HUWE1: variants seen among roughly 807,000 people sequenced by gnomAD.
HUWE1 encodes the protein E3 ubiquitin-protein ligase HUWE1.
A neutral mutation model predicts 299.4 loss-of-function variants in HUWE1; 18 were observed. That is an observed-to-expected ratio of 0.06 (90% CI 0.04 to 0.09). HUWE1 has a LOEUF of 0.09. Ranked by LOEUF, HUWE1 falls within the 10% of genes least tolerant of loss-of-function variation. The pLI, the probability that HUWE1 is intolerant of heterozygous loss-of-function variation, is 1.00. For missense variants in HUWE1, 1,832 were observed against 3,462.3 expected, an observed-to-expected ratio of 0.53 and a Z score of 11.82; for synonymous variants, 1,317 against 1,286.1, an observed-to-expected ratio of 1.02 and a Z score of -0.51.
In HUWE1 at chrX:53,583,851, C is replaced by T. The variant is rs1556970468; in HGVS notation, c.5227G>A (p.Gly1743Arg). 5.8e-6 allele frequency: 7 copies of T among 1,207,319 alleles called. No homozygotes were observed. The highest frequency in any genetic ancestry group is 3.0e-5 in the East Asian group (1 of 33,770). Residue 1743 changes from glycine (G) to arginine (R), a missense_variant, in exon 42 of 84, where the codon GGG becomes AGG. Physicochemically the swap from Gly to Arg is moderately radical, Grantham distance 125 (BLOSUM62 -2). This residue lies in a region of HUWE1 where 46 missense variants were observed against 42.6 expected (regional missense o/e 1.08). Coordinates refer to ENST00000262854, the MANE Select transcript of HUWE1 (RefSeq NM_031407.7). ...GTCAAGCCCTGGATCAGGATCTCCCCGATTTTTGTTTCCTCCAGGCTTGTC... is the reference window on the plus strand; with the variant it reads ...GTCAAGCCCTGGATCAGGATCTCCCTGATTTTTGTTTCCTCCAGGCTTGTC... ...KETSLEETKI[G>R]EILIQGLTED... is the part of the protein sequence containing the mutation.
At chrX:53,664,603 T>A (rs2069160375) in intron 3 of HUWE1, among the ~76,000 whole-genome samples, 1 of 112,023 alleles carries the variant, frequency 8.9e-6, no homozygotes, top group Admixed American at 9.4e-5. Flanking sequence ...ATAGAAATCA[T>A]GGAAGCATTA....
chrX:53,581,218 A>G (rs1381400264), intron 42 of HUWE1, among the ~76,000 whole-genome samples, 192 bp from the exon 43 acceptor site: 1 of 112,132 alleles, frequency 8.9e-6, no homozygotes, highest in Non-Finnish European at 1.9e-5. Context: ...CAAAACTATC[A>G]ATTATTAGAC....
At position 53,562,253 on chromosome X, in the gene HUWE1, A is replaced by G. The variant is rs781884282; in HGVS notation, c.7205-9T>C. The G allele has an allele frequency of 1.7e-6, 2 of 1,207,697 alleles. No individual in the cohort carries two copies. Among genetic ancestry groups the G allele is most frequent in the Non-Finnish European group, 2.2e-6 (2 of 893,214 alleles). On this transcript the variant is annotated splice_polypyrimidine_tract_variant and intron_variant, in intron 53 of 83. Coordinates refer to ENST00000262854, the MANE Select transcript of HUWE1 (RefSeq NM_031407.7). ...CAGGATATTCATGGAATCTAAAACA[A>G]AGGGAGCACATTGGAGGACTAAACT...
At chrX:53,578,358 G>GGT (rs2063311618) in intron 43 of HUWE1, among the ~76,000 whole-genome samples, 2 of 106,864 alleles carry the variant, frequency 1.9e-5, no homozygotes, top group African/African-American at 6.9e-5. Flanking sequence ...GGAGGTGGGG[G>GGT]GGGGTCAGCC....
At chrX:53,631,533 A>C in intron 10 of HUWE1, 34 bp downstream of exon 10, 1 of 1,187,782 alleles carries the variant, frequency 8.4e-7, no homozygotes, top group East Asian at 3.0e-5. Flanking sequence ...ACCAAACATT[A>C]AGAAACGAGC....
In HUWE1 at chrX:53,543,621, G is replaced by T. The variant is rs975048497; in HGVS notation, c.11379+220C>A. On this transcript the variant is annotated intron_variant, in intron 73 of 83. Transcript: ENST00000262854. ...GCGCCACTGTTGACTGGATAGCTGG[G>T]AGTGGGGTATGATGGCCAAGCTTTA... 6.3e-6 allele frequency: 3 copies of T among 474,993 alleles called. No individual in the cohort carries two copies. The South Asian group carries it at 9.5e-5, about 15-fold the overall frequency. 39.1% of individuals were successfully genotyped at this position (474,993 alleles called of 1,213,427 possible).
In HUWE1 at chrX:53,590,060, G is replaced by T. The variant is rs376854858; in HGVS notation, c.4192-244C>A. Among the ~76,000 whole-genome samples the T allele has an allele frequency of 1.7e-4, 19 of 111,886 alleles. No homozygotes were observed. In the South Asian group the frequency reaches 7.1e-3, roughly 42 times the overall value. On this transcript the variant is annotated intron_variant, in intron 35 of 83. Transcript: ENST00000262854. The stretch of plus-strand genomic sequence containing the variant: ...CTTGTAGCATTCTATACTACCTCCC[G>T]CAAAATCATTTCTAGACACTGTTCT...
intron 4 of HUWE1, among the ~76,000 whole-genome samples, chrX:53,648,540 C>CAAAAAAAAA (rs200558034): frequency 2.3e-5 from 2 of 85,742 alleles, no homozygotes; most frequent in Admixed American, 1.2e-4. Context: ...CAAAAAAAAA[C>CAAAAAAAAA]AAAAAAAAAC....
intron 43 of HUWE1, among the ~76,000 whole-genome samples, chrX:53,578,768 C>A (rs2063382009): frequency 1.4e-5 from 1 of 72,923 alleles, no homozygotes; most frequent in Non-Finnish European, 2.7e-5. Flanking sequence ...GTGAGGACCC[C>A]TCTGCCCGGC....
intron 23 of HUWE1, among the ~76,000 whole-genome samples, chrX:53,612,715 A>T (rs1359761388): frequency 8.9e-6 from 1 of 112,141 alleles, no homozygotes; most frequent in African/African-American, 3.2e-5. Flanking sequence ...CCAACCAACC[A>T]ACCTACCTCC....
chrX:53,656,274 G>A (rs2068739609), intron 3 of HUWE1, among the ~76,000 whole-genome samples: 1 of 110,450 alleles, frequency 9.1e-6, no homozygotes, highest in Non-Finnish European at 1.9e-5. Flanking sequence ...TACTTGGGAG[G>A]CTGAGGCAGA....
At chrX:53,650,166 A>C (rs782564483) in intron 4 of HUWE1, among the ~76,000 whole-genome samples, 1 of 112,203 alleles carries the variant, frequency 8.9e-6, no homozygotes, top group Non-Finnish European at 1.9e-5. Context: ...TTCCCCACTA[A>C]ATGTGTTAGA....
At chrX:53,558,327 C>T (rs782051461) in intron 59 of HUWE1, among the ~76,000 whole-genome samples, 39 of 111,366 alleles carry the variant, frequency 3.5e-4, no homozygotes, top group African/African-American at 1.2e-3. Context: ...TGGAAGTGGG[C>T]GACTAAGAGC....
chrX:53,613,816 G>T (rs931733750), intron 23 of HUWE1, among the ~76,000 whole-genome samples: 1 of 111,468 alleles, frequency 9.0e-6, no homozygotes, highest in Admixed American at 9.5e-5. Context: ...TAGGAGACAG[G>T]CTTCAAAAGT....
At chrX:53,667,098 G>A (rs182640325) in intron 3 of HUWE1, among the ~76,000 whole-genome samples, 1 of 111,918 alleles carries the variant, frequency 8.9e-6, no homozygotes, top group East Asian at 2.8e-4. Flanking sequence ...TAGATTAGAA[G>A]CAATCGTAAT....
intron 28 of HUWE1, among the ~76,000 whole-genome samples, chrX:53,601,737 C>T (rs1290059347): frequency 3.9e-5 from 4 of 101,975 alleles, no homozygotes; most frequent in African/African-American, 7.2e-5. Context: ...GGCGCGATTT[C>T]GGCTCACTGC....
chrX:53,563,870 T>C (rs2062405880), intron 51 of HUWE1, 49 bp from the exon 52 acceptor site: 3 of 1,166,247 alleles, frequency 2.6e-6, no homozygotes, highest in African/African-American at 1.8e-5. Flanking sequence ...TCTATCATTG[T>C]GCTAGCACCG....
rs781789241 is a variant in HUWE1 at position 53,684,187 on chromosome X, G to T, written c.-163+2083C>A. 4.1e-4 allele frequency: 100 copies of T among 241,236 alleles called. 1 individual carries two copies. The highest frequency in any genetic ancestry group is 5.2e-4 in the Non-Finnish European group (69 of 133,854). 19.9% of individuals were successfully genotyped at this position (241,236 alleles called of 1,213,427 possible). On this transcript the variant is annotated intron_variant, in intron 2 of 83. Coordinates refer to ENST00000262854, the MANE Select transcript of HUWE1 (RefSeq NM_031407.7). ...GGGGCGGAGCCAACCTACCACGGCC[G>T]GCTCCCGCATGCGTTGAGAACTATC... is the stretch of plus-strand genomic sequence containing the variant.
chrX:53,622,646 T>C (rs782072781), intron 19 of HUWE1, among the ~76,000 whole-genome samples: 1 of 111,804 alleles, frequency 8.9e-6, no homozygotes, highest in African/African-American at 3.3e-5. Context: ...GCAGTTTAGT[T>C]ACTATGATAG....
Sources: allele counts gnomAD v4.1 joint callset (sites outside exome capture counted in the v4.1 genomes callset), GRCh38; gene constraint gnomAD v4.1.1; regional missense constraint gnomAD v4.1.1; transcripts MANE v1.5; gene names NCBI Gene and HGNC (gene_info 2026-07-23, HGNC 2026-07-21).